The following DNAJC15 variants were observed in gnomAD, a reference collection of about 807,000 sequenced individuals.
DNAJC15 encodes the protein dnaJ homolog subfamily C member 15.
A neutral mutation model predicts 22.4 loss-of-function variants in DNAJC15; 27 were observed. The observed-to-expected ratio is 1.20, with a 90% CI of 0.89 to 1.66. The LOEUF (loss-of-function observed/expected upper bound fraction) is 1.66, where lower values mean the gene tolerates loss of function less well. Among genes scored for constraint, DNAJC15 ranks in the 40% most tolerant of loss-of-function variants. The pLI is 0.00. For synonymous variants in DNAJC15, 79 were observed against 63.2 expected (o/e 1.25, Z -1.19); for missense variants, 208 against 187.1 (o/e 1.11, Z -0.65).
chr13:43,098,688 G>T (rs2040752926), intron 5 of DNAJC15, among the ~76,000 whole-genome samples: 1 of 152,152 alleles, frequency 6.6e-6, no homozygotes. Flanking sequence ...ACCTCAGGAA[G>T]AAACCCCTTT....
chr13:43,066,792 T>G (rs1393712357), intron 2 of DNAJC15, among the ~76,000 whole-genome samples: 4 of 152,092 alleles, frequency 2.6e-5, no homozygotes, highest in African/African-American at 9.7e-5. Flanking sequence ...CCAGCTAATG[T>G]TTTTTGTATT....
chr13:43,099,552 A>G (rs1312706863), intron 5 of DNAJC15, among the ~76,000 whole-genome samples: 1 of 152,214 alleles, frequency 6.6e-6, no homozygotes, highest in Non-Finnish European at 1.5e-5. Context: ...CACTTAGAGA[A>G]CGTCTGTCTA....
At chr13:43,088,839 G>GTT (rs5803164) in intron 5 of DNAJC15, among the ~76,000 whole-genome samples, 1 of 144,140 alleles carries the variant, frequency 6.9e-6, no homozygotes, top group African/African-American at 2.5e-5. Context: ...AATTAACTTG[G>GTT]TTTTTTTTTT....
intron 5 of DNAJC15, among the ~76,000 whole-genome samples, chr13:43,105,657 A>T (rs2040793234): frequency 6.6e-6 from 1 of 152,188 alleles, no homozygotes; most frequent in African/African-American, 2.4e-5. Flanking sequence ...TGAGCATAGT[A>T]TGGCCTATGA....
chr13:43,034,911 G>T (rs1468501331), intron 1 of DNAJC15, among the ~76,000 whole-genome samples: 1 of 152,128 alleles, frequency 6.6e-6, no homozygotes, highest in East Asian at 1.9e-4. Flanking sequence ...TGAGTTCTGT[G>T]TATATAACAT....
chr13:43,089,157 A>G (rs2040702719), intron 5 of DNAJC15, among the ~76,000 whole-genome samples: 1 of 152,234 alleles, frequency 6.6e-6, no homozygotes, highest in South Asian at 2.1e-4. Context: ...CAGAATTGGT[A>G]GTGATAACTA....
At chr13:43,082,056 T>C (rs2040664491) in intron 4 of DNAJC15, among the ~76,000 whole-genome samples, 1 of 152,006 alleles carries the variant, frequency 6.6e-6, no homozygotes, top group Non-Finnish European at 1.5e-5. Context: ...CCCCCATCAT[T>C]CAGTTACCTC....
chr13:43,023,791 G>A, intron 1 of DNAJC15, 57 bp downstream of exon 1: 4 of 1,478,478 alleles, frequency 2.7e-6, no homozygotes, highest in Non-Finnish European at 3.7e-6. Flanking sequence ...TTCTGCTTCA[G>A]CCCCCTCTAC....
intron 4 of DNAJC15, among the ~76,000 whole-genome samples, chr13:43,082,648 T>C (rs1002076142): frequency 1.3e-5 from 2 of 152,166 alleles, no homozygotes; most frequent in African/African-American, 4.8e-5. Context: ...TCAGTATGCA[T>C]AATGCGTTGT....
chr13:43,038,600 G>T (rs2456241), intron 1 of DNAJC15, among the ~76,000 whole-genome samples: 1 of 151,736 alleles, frequency 6.6e-6, no homozygotes, highest in African/African-American at 2.4e-5. Flanking sequence ...AGACCATCCT[G>T]GCTAACACAG....
At chr13:43,084,581 T>G (rs1021292466) in intron 4 of DNAJC15, among the ~76,000 whole-genome samples, 3 of 152,218 alleles carry the variant, frequency 2.0e-5, no homozygotes, top group African/African-American at 7.2e-5. Context: ...TCAACTATTA[T>G]TATCCCCATT....
At chr13:43,030,618 G>T (rs961459221) in intron 1 of DNAJC15, among the ~76,000 whole-genome samples, 1 of 152,068 alleles carries the variant, frequency 6.6e-6, no homozygotes, top group African/African-American at 2.4e-5. Flanking sequence ...TTATGGAGTC[G>T]TACATTATTA....
chr13:43,043,451 C>T (rs941195967), intron 1 of DNAJC15, among the ~76,000 whole-genome samples: 9 of 152,218 alleles, frequency 5.9e-5, no homozygotes, highest in African/African-American at 2.2e-4. Context: ...CCATGACTCA[C>T]ACTGTTATTT....
intron 5 of DNAJC15, among the ~76,000 whole-genome samples, chr13:43,104,400 C>G (rs2040786105): frequency 6.6e-6 from 1 of 152,168 alleles, no homozygotes; most frequent in Non-Finnish European, 1.5e-5. Flanking sequence ...GATCTTGGCC[C>G]TCAAGACCTG....
intron 1 of DNAJC15, among the ~76,000 whole-genome samples, chr13:43,049,695 C>G (rs1407109430): frequency 6.6e-6 from 1 of 152,164 alleles, no homozygotes; most frequent in African/African-American, 2.4e-5. Flanking sequence ...TCTTATACTT[C>G]TGTTTTCTAC....
chr13:43,040,973 A>G (rs2040451090), intron 1 of DNAJC15, among the ~76,000 whole-genome samples: 1 of 152,226 alleles, frequency 6.6e-6, no homozygotes, highest in African/African-American at 2.4e-5. Context: ...ATCTGGTTTT[A>G]TACTGAGACA....
intron 4 of DNAJC15, among the ~76,000 whole-genome samples, chr13:43,081,590 C>G (rs1678520809): frequency 6.6e-6 from 1 of 151,990 alleles, no homozygotes; most frequent in African/African-American, 2.4e-5. Flanking sequence ...AGGCGCCCAC[C>G]ACCACGCCTG....
rs1291384067 is a variant in DNAJC15 at position 43,068,964 on chromosome 13, A to G, written c.195A>G (p.Glu65=). 2 of 1,613,092 alleles carry G rather than the reference A, an allele frequency of 1.2e-6. No homozygotes were observed. Among genetic ancestry groups the G allele is most frequent in the East Asian group, 2.2e-5 (1 of 44,772 alleles). The change falls in exon 3 of 6, where the codon GAA becomes GAG. Residue 65 remains glutamate, a synonymous_variant. Transcript: ENST00000379221. The stretch of plus-strand genomic sequence containing the variant: ...CATTTCGGATCTGGAAACCTCTAGA[A>G]CAAGTTATCACAGAAACTGCAAAGA... The part of the protein sequence containing the change: ...RYAFRIWKPL[E]QVITETAKKI...
At chr13:43,097,783 C>A (rs961369727) in intron 5 of DNAJC15, among the ~76,000 whole-genome samples, 1 of 151,858 alleles carries the variant, frequency 6.6e-6, no homozygotes, top group African/African-American at 2.4e-5. Flanking sequence ...ATTAAAAATA[C>A]AAAATTAGCC....
Sources: allele counts gnomAD v4.1 joint callset (sites outside exome capture counted in the v4.1 genomes callset), GRCh38; gene constraint gnomAD v4.1.1; transcripts MANE v1.5; gene names NCBI Gene and HGNC (gene_info 2026-07-23, HGNC 2026-07-21).